Variants in KIF24 observed in about 807,000 individuals in gnomAD.
The protein encoded by KIF24 is kinesin-like protein KIF24.
A neutral mutation model predicts 118.9 loss-of-function variants in KIF24; 81 were observed. That is an observed-to-expected ratio of 0.68 (90% CI 0.57 to 0.82). KIF24 has a LOEUF of 0.82. KIF24 is among the 40% of genes least tolerant of loss of function. KIF24 has a pLI of 0.00. For synonymous variants in KIF24, 599 were observed against 610.0 expected, an observed-to-expected ratio of 0.98 and a Z score of 0.27; for missense variants, 1,560 against 1,661.6, an observed-to-expected ratio of 0.94 and a Z score of 1.06.
intron 4 of KIF24, among the ~76,000 whole-genome samples, chr9:34,291,813 T>C (rs990415527): frequency 2.6e-5 from 4 of 151,590 alleles, no homozygotes; most frequent in African/African-American, 4.8e-5. Flanking sequence ...AGTCTATGCA[T>C]TGTGACAGGA....
In KIF24 at chr9:34,310,726, G is replaced by A. The variant is rs2131812118; in HGVS notation, c.621C>T (p.Ile207=). 2 of 1,574,358 alleles carry A rather than the reference G, an allele frequency of 1.3e-6. No homozygotes were observed. Among genetic ancestry groups the A allele is most frequent in the African/African-American group, 1.4e-5 (1 of 73,290 alleles). The change falls in exon 2 of 13, where the codon ATC becomes ATT. Residue 207 remains isoleucine, a splice_region_variant and synonymous_variant. Transcript: ENST00000402558. ...GAAAGAAAGATAAAATTTATTACCT[G>A]ATACAAGAATGAGGGATTCCATAGT... is the stretch of plus-strand genomic sequence containing the variant. ...GYNYGIPHSC[I]RQNTSEKQNP... is the part of the protein sequence containing the mutation.
chr9:34,329,080 C>T (rs1036700267), intron 1 of KIF24, among the ~76,000 whole-genome samples, 26 bp downstream of exon 1: 1 of 152,258 alleles, frequency 6.6e-6, no homozygotes. Context: ...ACCTACCCCT[C>T]CTCTATTCTC....
chr9:34,269,782 T>A (rs959753776), intron 7 of KIF24, among the ~76,000 whole-genome samples: 1 of 152,056 alleles, frequency 6.6e-6, no homozygotes, highest in Non-Finnish European at 1.5e-5. Context: ...CATTGGCCCA[T>A]CCTCTGGAAA....
At chr9:34,311,685 T>C (rs1483657377) in intron 1 of KIF24, among the ~76,000 whole-genome samples, 3 of 148,146 alleles carry the variant, frequency 2.0e-5, no homozygotes, top group Non-Finnish European at 4.5e-5. Flanking sequence ...TATGTATATA[T>C]ATACGTATAT....
At chr9:34,306,724 C>T (rs549723087) in intron 2 of KIF24, among the ~76,000 whole-genome samples, 1 of 152,122 alleles carries the variant, frequency 6.6e-6, no homozygotes, top group South Asian at 2.1e-4. Context: ...ATGGCGTGAA[C>T]CCGGGAGGCA....
At chr9:34,270,907 G>C (rs573979609) in intron 7 of KIF24, among the ~76,000 whole-genome samples, 241 of 149,012 alleles carry the variant, frequency 1.6e-3, no homozygotes, top group Non-Finnish European at 3.0e-3. Context: ...GTCGCAGCCA[G>C]ATCTCCCTCA....
chr9:34,278,173 C>T (rs1835724000), intron 6 of KIF24, among the ~76,000 whole-genome samples: 2 of 151,956 alleles, frequency 1.3e-5, no homozygotes, highest in Admixed American at 1.3e-4. Context: ...CTTTGGGAGG[C>T]CGAGGTGAGT....
chr9:34,328,321 G>A (rs1449672796), intron 1 of KIF24, among the ~76,000 whole-genome samples: 3 of 152,230 alleles, frequency 2.0e-5, no homozygotes, highest in African/African-American at 7.2e-5. Flanking sequence ...CGGTCACTAA[G>A]AAGCTAAAGG....
chr9:34,306,793 T>C (rs557294642), intron 2 of KIF24, among the ~76,000 whole-genome samples: 3 of 151,820 alleles, frequency 2.0e-5, no homozygotes, highest in South Asian at 2.1e-4. Context: ...CAGAGCCAGA[T>C]TCTGTCTCAA....
intron 1 of KIF24, among the ~76,000 whole-genome samples, chr9:34,315,345 A>G (rs1201567879): frequency 1.3e-5 from 2 of 152,164 alleles, no homozygotes; most frequent in Non-Finnish European, 2.9e-5. Context: ...AAAATTGTAT[A>G]TAACACTGTA....
intron 1 of KIF24, among the ~76,000 whole-genome samples, chr9:34,311,750 ATATATGTG>A (rs1587967278): frequency 6.8e-6 from 1 of 147,946 alleles, no homozygotes; most frequent in East Asian, 1.9e-4. Flanking sequence ...ATATATACGT[ATATATGTG>A]TATATATACA....
chr9:34,256,858 C>T lies in KIF24; in HGVS notation c.2749G>A (p.Val917Met), dbSNP rs377014366. ...DHSCSPSKGP[V>M]DWSRENSTSS... ...GTAGAGTTCTCTCTGCTCCAGTCCACGGGCCCCTTACTTGGGCTGCAGCTG... is the reference window on the plus strand; with the variant it reads ...GTAGAGTTCTCTCTGCTCCAGTCCATGGGCCCCTTACTTGGGCTGCAGCTG... The change falls in exon 11 of 13, where the codon GTG becomes ATG. Residue 917 changes from valine to methionine, a missense_variant. Physicochemically the swap from Val to Met is conservative, Grantham distance 21. Transcript: ENST00000402558. The T allele has an allele frequency of 1.4e-5, 22 of 1,613,872 alleles. No homozygotes were observed. Among genetic ancestry groups the T allele is most frequent in the Admixed American group, 3.3e-5 (2 of 60,000 alleles).
intron 3 of KIF24, among the ~76,000 whole-genome samples, 186 bp downstream of exon 3, chr9:34,306,066 A>C (rs1384143831): frequency 3.3e-5 from 5 of 152,206 alleles, no homozygotes. Context: ...TCTTTTGAAA[A>C]AATGAAGGCC....
rs1364127548 is a variant in KIF24, at chr9:34,257,863, T to G, written c.1744A>C (p.Lys582Gln). The change falls in exon 11 of 13, where the codon AAA (lysine) becomes CAA (glutamine). Residue 582 changes from lysine to glutamine, a missense_variant. Lys to Gln is a moderately conservative substitution (Grantham distance 53). Transcript: ENST00000402558. ...QSSPGALSED[K>Q]CSPKKVKLGF... ...AGCTTGACTTTTTTGGGAGAACATT[T>G]GTCCTCTGACAAAGCCCCAGGGGAG... 6.2e-7 allele frequency: 1 copy of G among 1,613,924 alleles called. No individual in the cohort carries two copies. Among genetic ancestry groups the G allele is most frequent in the African/African-American group, 1.3e-5 (1 of 74,928 alleles).
intron 2 of KIF24, among the ~76,000 whole-genome samples, chr9:34,308,684 G>A (rs545218803): frequency 8.8e-4 from 134 of 152,236 alleles, no homozygotes; most frequent in African/African-American, 3.0e-3. Flanking sequence ...GAAAATGTTT[G>A]GTCCTTTTTA....
At chr9:34,262,074 T>C (rs1437028350) in intron 9 of KIF24, among the ~76,000 whole-genome samples, 5 of 152,122 alleles carry the variant, frequency 3.3e-5, no homozygotes, top group Admixed American at 3.3e-4. Flanking sequence ...GCTGGGACCA[T>C]GGGCCCACAG....
intron 1 of KIF24, among the ~76,000 whole-genome samples, chr9:34,327,366 G>A (rs1289145311): frequency 6.6e-6 from 1 of 151,876 alleles, no homozygotes; most frequent in African/African-American, 2.4e-5. Context: ...CCCAGAGAAA[G>A]AAACTGTGGT....
At chr9:34,326,396 C>G (rs868636707) in intron 1 of KIF24, among the ~76,000 whole-genome samples, 18 of 152,138 alleles carry the variant, frequency 1.2e-4, no homozygotes, top group African/African-American at 3.9e-4. Context: ...GGTCCCTGCC[C>G]TCATGACACT....
At chr9:34,277,915 A>G (rs1242875147) in intron 6 of KIF24, among the ~76,000 whole-genome samples, 2 of 152,214 alleles carry the variant, frequency 1.3e-5, no homozygotes, top group Non-Finnish European at 2.9e-5. Context: ...TGCCAGCTCT[A>G]CCATGTGGTT....
Sources: allele counts gnomAD v4.1 joint callset (sites outside exome capture counted in the v4.1 genomes callset), GRCh38; gene constraint gnomAD v4.1.1; transcripts MANE v1.5; gene names NCBI Gene and HGNC (gene_info 2026-07-23, HGNC 2026-07-21).